The following DPP6 variants were observed in gnomAD, a reference collection of about 807,000 sequenced individuals.
DPP6 encodes the protein A-type potassium channel modulatory protein DPP6.
DPP6 carries 69 observed loss-of-function variants against 122.6 expected under a neutral mutation model. That is an observed-to-expected ratio of 0.56 (90% CI 0.46 to 0.69). The LOEUF (loss-of-function observed/expected upper bound fraction) is 0.69, where lower values mean the gene tolerates loss of function less well. Ranked by LOEUF, DPP6 falls within the 30% of genes least tolerant of loss-of-function variation. DPP6 has a pLI of 0.00. For synonymous variants in DPP6, 418 were observed against 433.1 expected (o/e 0.97, Z 0.43); for missense variants, 928 against 1,116.9 (o/e 0.83, Z 2.41).
At chr7:154,088,216 G>C (rs545021274) in intron 1 of DPP6, among the ~76,000 whole-genome samples, 2 of 151,978 alleles carry the variant, frequency 1.3e-5, no homozygotes, top group African/African-American at 2.4e-5. Context: ...GCTCTGGGAG[G>C]GGCTGTGCTC....
chr7:153,827,208 G>A, the DPP6 span, among the ~76,000 whole-genome samples: 1 of 152,222 alleles, frequency 6.6e-6, no homozygotes, highest in African/African-American at 2.4e-5. Context: ...TGAAGTTTAA[G>A]TTATGCCAAG....
intron 5 of DPP6, among the ~76,000 whole-genome samples, chr7:154,570,588 T>C (rs12531098): frequency 0.025 from 3,881 of 152,320 alleles, 117 homozygotes; most frequent in South Asian, 0.12. Flanking sequence ...ACAAAATATG[T>C]AATAAAAGGA....
intron 5 of DPP6, among the ~76,000 whole-genome samples, chr7:154,576,505 G>A (rs1831683130): frequency 6.6e-6 from 1 of 152,122 alleles, no homozygotes; most frequent in Non-Finnish European, 1.5e-5. Flanking sequence ...TGAAAATGTA[G>A]GTAGCTTTGT....
At chr7:154,430,161 C>T (rs925320027) in intron 1 of DPP6, among the ~76,000 whole-genome samples, 4 of 152,188 alleles carry the variant, frequency 2.6e-5, no homozygotes, top group African/African-American at 9.7e-5. Flanking sequence ...TGCTTAAACA[C>T]GCTGCTGCCT....
At chr7:154,383,430 T>C (rs1813802866) in intron 1 of DPP6, among the ~76,000 whole-genome samples, 1 of 152,230 alleles carries the variant, frequency 6.6e-6, no homozygotes. Flanking sequence ...TGCAAAACAT[T>C]GTTTAATATG....
At chr7:154,128,847 G>GA in intron 1 of DPP6, among the ~76,000 whole-genome samples, 1 of 144,744 alleles carries the variant, frequency 6.9e-6, no homozygotes, top group South Asian at 2.3e-4. Context: ...GACCCTGGGA[G>GA]GTATAACTAC....
At chr7:153,891,187 A>G (rs941999855) in intron 1 of DPP6, among the ~76,000 whole-genome samples, 2 of 148,486 alleles carry the variant, frequency 1.3e-5, no homozygotes, top group Non-Finnish European at 3.0e-5. Flanking sequence ...ATGCCCGGCT[A>G]ATTTTTTTGT....
At chr7:154,173,235 G>T (rs967657441) in intron 1 of DPP6, among the ~76,000 whole-genome samples, 5 of 152,184 alleles carry the variant, frequency 3.3e-5, no homozygotes, top group Admixed American at 1.3e-4. Context: ...CTGTGCCAGC[G>T]TGGGACGAAT....
intron 7 of DPP6, among the ~76,000 whole-genome samples, chr7:154,721,650 A>C (rs1841816283): frequency 6.6e-6 from 1 of 152,236 alleles, no homozygotes; most frequent in Admixed American, 6.5e-5. Context: ...AAAGAAGTAG[A>C]TAAGCTAGAC....
chr7:153,806,326 G>T, the DPP6 span, among the ~76,000 whole-genome samples: 1 of 151,890 alleles, frequency 6.6e-6, no homozygotes. Context: ...TAATTTCTCT[G>T]CCTTCTCTGA....
intron 1 of DPP6, among the ~76,000 whole-genome samples, chr7:154,212,717 A>G (rs532455896): frequency 1.3e-5 from 2 of 152,174 alleles, no homozygotes; most frequent in Non-Finnish European, 2.9e-5. Flanking sequence ...CTAATATGTA[A>G]TCTCATCTAG....
At chr7:154,860,087 A>G (rs1001343463) in intron 17 of DPP6, among the ~76,000 whole-genome samples, 7 of 152,152 alleles carry the variant, frequency 4.6e-5, no homozygotes, top group African/African-American at 1.7e-4. Flanking sequence ...GAAAGCAAAA[A>G]CAGCCCCTAC....
intron 3 of DPP6, among the ~76,000 whole-genome samples, chr7:154,524,696 C>T (rs1298601685): frequency 1.3e-5 from 2 of 152,238 alleles, no homozygotes; most frequent in Non-Finnish European, 2.9e-5. Context: ...AGCACCAGCC[C>T]GCTTCTACTT....
chr7:154,642,707 T>C (rs960370104), intron 6 of DPP6, among the ~76,000 whole-genome samples: 1 of 152,020 alleles, frequency 6.6e-6, no homozygotes, highest in African/African-American at 2.4e-5. Context: ...GGGAGGCTGA[T>C]GTGGGTGGAT....
intron 1 of DPP6, among the ~76,000 whole-genome samples, chr7:153,974,675 G>A (rs190108034): frequency 6.6e-6 from 1 of 152,292 alleles, no homozygotes; most frequent in East Asian, 1.9e-4. Flanking sequence ...CCTGAGGGTC[G>A]GTTGCAAAGT....
chr7:153,797,391 G>A, the DPP6 span, among the ~76,000 whole-genome samples: 2 of 152,192 alleles, frequency 1.3e-5, no homozygotes, highest in African/African-American at 4.8e-5. Flanking sequence ...GATGGAGAGT[G>A]TGGAGAAGGA....
At chr7:154,279,622 A>G (rs2150947937) in intron 1 of DPP6, among the ~76,000 whole-genome samples, 1 of 152,350 alleles carries the variant, frequency 6.6e-6, no homozygotes, top group South Asian at 2.1e-4. Context: ...TTCACGTTGC[A>G]AAGTCTCATT....
At chr7:154,773,861 C>T (rs970488835) in intron 10 of DPP6, among the ~76,000 whole-genome samples, 17 of 152,114 alleles carry the variant, frequency 1.1e-4, no homozygotes, top group African/African-American at 4.1e-4. Context: ...GATGGATGCT[C>T]CAGCACCTGG....
intron 1 of DPP6, among the ~76,000 whole-genome samples, chr7:154,125,724 G>A (rs932805891): frequency 1.3e-5 from 2 of 152,146 alleles, no homozygotes; most frequent in Non-Finnish European, 2.9e-5. Flanking sequence ...CTAGAGGCGA[G>A]GGTGAAGATA....
Sources: gnomAD v4.1 joint callset for allele counts (sites outside exome capture counted in the v4.1 genomes callset) on GRCh38, gnomAD v4.1.1 for gene constraint, MANE v1.5 for transcripts, NCBI Gene and HGNC (gene_info 2026-07-23, HGNC 2026-07-21) for gene names.